Variants in POMK observed in about 807,000 individuals in gnomAD.
POMK encodes protein O-mannose kinase.
In POMK, 19 loss-of-function variants were observed where a neutral mutation model predicts 23.0. The ratio of observed to expected loss-of-function variants is 0.83; its 90% CI spans 0.58 to 1.21. POMK has a LOEUF of 1.21. POMK is among the 50% of genes most tolerant of loss of function. The pLI is 0.00. For synonymous variants in POMK, 173 were observed against 171.6 expected, an observed-to-expected ratio of 1.01 and a Z score of -0.06; for missense variants, 410 against 431.3, an observed-to-expected ratio of 0.95 and a Z score of 0.44.
intron 4 of POMK, among the ~76,000 whole-genome samples, chr8:43,118,576 A>G (rs1229390972): frequency 2.6e-5 from 4 of 152,252 alleles, no homozygotes; most frequent in African/African-American, 9.6e-5. Flanking sequence ...TCTTTTAGAA[A>G]ATGATTAAAA....
intron 4 of POMK, among the ~76,000 whole-genome samples, chr8:43,121,788 A>C (rs2130625790): frequency 6.6e-6 from 1 of 152,324 alleles, no homozygotes; most frequent in Non-Finnish European, 1.5e-5. Flanking sequence ...TTGAATCTGC[A>C]GGTCCCCCTC....
At chr8:43,111,369 G>T (rs576421811) in intron 4 of POMK, among the ~76,000 whole-genome samples, 3 of 152,204 alleles carry the variant, frequency 2.0e-5, no homozygotes, top group Admixed American at 2.0e-4. Context: ...CAGCGAGGCT[G>T]GGGGAGGGGC....
chr8:43,109,108 A>T (rs1188101238), intron 4 of POMK, among the ~76,000 whole-genome samples: 1 of 152,222 alleles, frequency 6.6e-6, no homozygotes, highest in Non-Finnish European at 1.5e-5. Flanking sequence ...CTTAATTTTT[A>T]AAAATTTTTT....
Position 43,122,332 on chromosome 8 carries a change from CA to C in POMK, c.512del (p.Asn171MetfsTer2), listed in dbSNP as rs769848319. ...AGAAACACTAAACCTTTCAAAGTACCAAAATGTGAACACGTGGCAGCACAGG... is the reference window on the plus strand; with the variant it reads ...AGAAACACTAAACCTTTCAAAGTACCAAATGTGAACACGTGGCAGCACAGG... ...LEETLNLSKY[Q>X]NVNTWQHRLE... On this transcript the variant is annotated frameshift_variant, in exon 5 of 5. Coordinates refer to ENST00000331373, the MANE Select transcript of POMK (RefSeq NM_032237.5). LOFTEE classifies it high-confidence loss of function. 6.2e-7 allele frequency: 1 copy of C among 1,614,166 alleles called. No homozygotes were observed. Among genetic ancestry groups the C allele is most frequent in the South Asian group, 1.1e-5 (1 of 91,076 alleles).
Position 43,121,575 on chromosome 8 carries a change from C to T in POMK, c.283-532C>T, listed in dbSNP as rs150503086. ...AAAATTAATGAGTAACATTGTTACA[C>T]GTGATGGGCAGGGCTCTACGCCCTC... On this transcript the variant is annotated intron_variant, in intron 4 of 4. Coordinates refer to ENST00000331373, the MANE Select transcript of POMK (RefSeq NM_032237.5). Among the ~76,000 whole-genome samples, 154 of 152,304 alleles carry T rather than the reference C, an allele frequency of 1.0e-3. 1 individual carries two copies. The highest frequency in any genetic ancestry group is 3.1e-3 in the African/African-American group (130 of 41,556).
intron 2 of POMK, among the ~76,000 whole-genome samples, chr8:43,098,195 A>G (rs1405869697): frequency 1.3e-5 from 2 of 152,218 alleles, no homozygotes; most frequent in Non-Finnish European, 2.9e-5. Flanking sequence ...TAGCATATTT[A>G]CAAGGTTGTA....
At chr8:43,114,220 C>T (rs1029767818) in intron 4 of POMK, among the ~76,000 whole-genome samples, 5 of 152,232 alleles carry the variant, frequency 3.3e-5, no homozygotes, top group Admixed American at 3.3e-4. Context: ...GAGGTGGAGC[C>T]TACAGAGGCA....
At chr8:43,097,155 C>T (rs914198092) in intron 1 of POMK, among the ~76,000 whole-genome samples, 1 of 152,140 alleles carries the variant, frequency 6.6e-6, no homozygotes, top group Non-Finnish European at 1.5e-5. Context: ...TTATATACAC[C>T]AGTGGTTTTC....
chr8:43,106,084 T>C (rs1277516904), intron 4 of POMK, among the ~76,000 whole-genome samples: 1 of 152,246 alleles, frequency 6.6e-6, no homozygotes, highest in Non-Finnish European at 1.5e-5. Flanking sequence ...TTTTCCATAA[T>C]GGCTGTACTA....
chr8:43,117,183 T>G (rs1811818198), intron 4 of POMK, among the ~76,000 whole-genome samples: 1 of 152,196 alleles, frequency 6.6e-6, no homozygotes, highest in East Asian at 1.9e-4. Context: ...ATGTCATCAG[T>G]TAAGGCGGGG....
intron 4 of POMK, among the ~76,000 whole-genome samples, chr8:43,113,433 A>G (rs1451199781): frequency 6.6e-6 from 1 of 152,106 alleles, no homozygotes; most frequent in African/African-American, 2.4e-5. Flanking sequence ...CTCTTCATGT[A>G]GTTCTCGAGC....
At chr8:43,100,590 C>T (rs1250878624) in intron 2 of POMK, among the ~76,000 whole-genome samples, 1 of 151,534 alleles carries the variant, frequency 6.6e-6, no homozygotes, top group Non-Finnish European at 1.5e-5. Flanking sequence ...GACTCAAGTG[C>T]TGGGTGTGCG....
intron 4 of POMK, among the ~76,000 whole-genome samples, chr8:43,110,134 T>A (rs536166257): frequency 6.6e-6 from 1 of 152,360 alleles, no homozygotes; most frequent in East Asian, 1.9e-4. Context: ...TTCCCATGCC[T>A]TCTCATAATC....
intron 4 of POMK, among the ~76,000 whole-genome samples, chr8:43,113,416 T>C (rs571377462): frequency 2.0e-5 from 3 of 152,242 alleles, no homozygotes; most frequent in African/African-American, 7.2e-5. Context: ...CTCCTGAGGC[T>C]TCTTCACTCT....
At chr8:43,117,087 C>CA (rs1811816815) in intron 4 of POMK, among the ~76,000 whole-genome samples, 2 of 152,166 alleles carry the variant, frequency 1.3e-5, no homozygotes, top group Admixed American at 6.5e-5. Flanking sequence ...TCGCTTAAGG[C>CA]AAGGACTGGC....
intron 4 of POMK, among the ~76,000 whole-genome samples, chr8:43,116,297 G>A (rs750305113): frequency 2.0e-5 from 3 of 152,160 alleles, no homozygotes; most frequent in Non-Finnish European, 2.9e-5. Flanking sequence ...TTCAGAGACA[G>A]AGTCTCTCTC....
intron 4 of POMK, among the ~76,000 whole-genome samples, chr8:43,107,608 C>T (rs941385205): frequency 2.6e-5 from 4 of 151,838 alleles, no homozygotes; most frequent in African/African-American, 7.3e-5. Context: ...CTCCTGACCT[C>T]GTGATCTGCC....
intron 4 of POMK, among the ~76,000 whole-genome samples, chr8:43,113,683 G>T (rs537206017): frequency 3.9e-5 from 6 of 152,300 alleles, no homozygotes; most frequent in African/African-American, 1.4e-4. Context: ...GAGGAGAGAC[G>T]CTCTGCTTTT....
intron 2 of POMK, among the ~76,000 whole-genome samples, chr8:43,098,539 T>G (rs1039020457): frequency 6.6e-6 from 1 of 152,236 alleles, no homozygotes; most frequent in Non-Finnish European, 1.5e-5. Flanking sequence ...TTGGCTTGTT[T>G]CCACTGTTTG....
Sources: allele counts gnomAD v4.1 joint callset (sites outside exome capture counted in the v4.1 genomes callset), GRCh38; gene constraint gnomAD v4.1.1; transcripts MANE v1.5; gene names NCBI Gene and HGNC (gene_info 2026-07-23, HGNC 2026-07-21).